The following SLC1A7 variants were observed in gnomAD, a reference collection of about 807,000 sequenced individuals.
The protein encoded by SLC1A7 is solute carrier family 1 member 7.
SLC1A7 carries 40 observed loss-of-function variants against 47.7 expected under a neutral mutation model. That is an observed-to-expected ratio of 0.84 (90% confidence interval 0.65 to 1.09). The LOEUF (loss-of-function observed/expected upper bound fraction) is 1.09. SLC1A7 is among the 50% of genes least tolerant of loss of function. SLC1A7 has a pLI of 0.00. For synonymous variants in SLC1A7, 323 were observed against 325.6 expected, an observed-to-expected ratio of 0.99 and a Z score of 0.09; for missense variants, 746 against 769.5, an observed-to-expected ratio of 0.97 and a Z score of 0.36.
chr1:53,105,026 A>C (rs985132256), intron 4 of SLC1A7, among the ~76,000 whole-genome samples: 12 of 152,224 alleles, frequency 7.9e-5, no homozygotes, highest in African/African-American at 2.9e-4. Flanking sequence ...TTTAAGAAAT[A>C]TTTCATAACC....
At chr1:53,100,465 A>T (rs28546957) in intron 5 of SLC1A7, among the ~76,000 whole-genome samples, 9,580 of 129,700 alleles carry the variant, frequency 0.074, 688 homozygotes, top group East Asian at 0.26. Context: ...ACTCATACAC[A>T]CTGCCTTGGT....
intron 10 of SLC1A7, among the ~76,000 whole-genome samples, 200 bp downstream of exon 10, chr1:53,088,677 C>T (rs1054918478): frequency 2.0e-5 from 3 of 152,200 alleles, no homozygotes; most frequent in Non-Finnish European, 4.4e-5. Context: ...GTGTCTATAT[C>T]AGCGCCAGCC....
At chr1:53,129,585 TGGAAGATGCCAGATTATGGGAAGAG>T (rs1553164888) in intron 2 of SLC1A7, among the ~76,000 whole-genome samples, 1 of 141,244 alleles carries the variant, frequency 7.1e-6, no homozygotes, top group African/African-American at 2.6e-5. Flanking sequence ...AGCCCACAGC[TGGAAGATGCCAGATTATGGGAAGAG>T]TGACTGAACT....
intron 2 of SLC1A7, among the ~76,000 whole-genome samples, chr1:53,132,739 G>GA (rs141305683): frequency 1.0e-4 from 4 of 38,972 alleles, no homozygotes; most frequent in Non-Finnish European, 3.1e-4. Context: ...CCAGCTACTT[G>GA]GGGGGCTGAG....
intron 6 of SLC1A7, 34 bp from the exon 7 acceptor site, chr1:53,092,821 A>C (rs1644440239): frequency 7.0e-7 from 1 of 1,426,114 alleles, no homozygotes. Flanking sequence ...CTCAGGAACC[A>C]GGCAGGCAGA....
intron 5 of SLC1A7, among the ~76,000 whole-genome samples, chr1:53,096,405 CGCCTCGGTACACTCACACACCCT>C (rs1213071648): frequency 2.8e-5 from 4 of 145,248 alleles, no homozygotes; most frequent in East Asian, 2.1e-4. Flanking sequence ...TCACACGCCT[CGCCTCGGTACACTCACACACCCT>C]GCCTCGGTAC....
chr1:53,136,203 T>C (rs1644992035), intron 1 of SLC1A7, among the ~76,000 whole-genome samples: 1 of 147,736 alleles, frequency 6.8e-6, no homozygotes. Context: ...TATATATATA[T>C]TTTTTAGACA....
intron 2 of SLC1A7, among the ~76,000 whole-genome samples, chr1:53,125,124 C>T (rs1644868200): frequency 6.6e-6 from 1 of 152,148 alleles, no homozygotes; most frequent in South Asian, 2.1e-4. Context: ...TGAACTGTGG[C>T]AGCACACGGA....
chr1:53,095,244 T>C (rs1644472272), intron 5 of SLC1A7, among the ~76,000 whole-genome samples: 2 of 145,498 alleles, frequency 1.4e-5, no homozygotes, highest in Non-Finnish European at 3.0e-5. Context: ...GCCAGGCGCA[T>C]GCTGATGGGG....
At chr1:53,138,482 G>T (rs559688298) in intron 1 of SLC1A7, among the ~76,000 whole-genome samples, 1 of 148,170 alleles carries the variant, frequency 6.7e-6, no homozygotes, top group African/African-American at 2.5e-5. Context: ...ATTTATTTTT[G>T]TTCTAGTTTC....
At chr1:53,135,737 G>A (rs1644985773) in intron 1 of SLC1A7, among the ~76,000 whole-genome samples, 3 of 152,220 alleles carry the variant, frequency 2.0e-5, no homozygotes, top group African/African-American at 4.8e-5. Context: ...TGGGTGTGCT[G>A]TTTATAAAAT....
intron 5 of SLC1A7, among the ~76,000 whole-genome samples, chr1:53,096,788 A>G (rs1378949497): frequency 6.6e-6 from 1 of 150,850 alleles, no homozygotes; most frequent in Non-Finnish European, 1.5e-5. Context: ...CTGCCTCAGA[A>G]CATTGACACA....
At chr1:53,104,071 CT>C (rs1255674749) in intron 4 of SLC1A7, among the ~76,000 whole-genome samples, 1 of 152,186 alleles carries the variant, frequency 6.6e-6, no homozygotes, top group African/African-American at 2.4e-5. Flanking sequence ...GTACCTTTCC[CT>C]CTCTGCCCCC....
Position 53,103,374 on chromosome 1 carries a change from C to T in SLC1A7, c.669G>A (p.Leu223=), listed in dbSNP as rs1206425484. The change falls in exon 5 of 11, where the codon CTG becomes CTA. Residue 223 remains leucine, a synonymous_variant. Transcript: ENST00000371494. Reference sequence around the variant, plus strand: ...TGGTGGCAGAGAAGAAGACGATGCCCAGCACATTCATGCCATCGCTGGTGC... The same window carrying T: ...TGGTGGCAGAGAAGAAGACGATGCCTAGCACATTCATGCCATCGCTGGTGC... ...EPGTSDGMNV[L]GIVFFSATMG... 2 of 1,608,372 alleles carry T rather than the reference C, an allele frequency of 1.2e-6. No homozygotes were observed. Among genetic ancestry groups the T allele is most frequent in the Admixed American group, 1.7e-5 (1 of 59,128 alleles).
At chr1:53,111,860 A>C (rs1445032358) in intron 3 of SLC1A7, among the ~76,000 whole-genome samples, 1 of 152,216 alleles carries the variant, frequency 6.6e-6, no homozygotes, top group Non-Finnish European at 1.5e-5. Context: ...AACACAGAAC[A>C]GACCCTGCCT....
At chr1:53,118,310 A>G (rs973184049) in intron 2 of SLC1A7, 4 of 152,246 alleles carry the variant, frequency 2.6e-5, no homozygotes, top group Admixed American at 1.3e-4. Flanking sequence ...AGCAAACTCT[A>G]TAGGAAATGT....
rs768822532 is a variant in SLC1A7 at position 53,090,624 on chromosome 1, A to T, written c.1214T>A (p.Ile405Asn). The T allele has an allele frequency of 6.3e-7, 1 of 1,591,986 alleles. No individual in the cohort carries two copies. Among genetic ancestry groups the T allele is most frequent in the Non-Finnish European group, 8.6e-7 (1 of 1,165,704 alleles). ...TGTCAGGGTGCACCTGATGGTGATG[A>T]TCTGGCCAAAGTCCAGCTCGTAGTT... ...VNNYELDFGQ[I>N]ITISITATAA... Residue 405 changes from isoleucine (I) to asparagine (N), a missense_variant, in exon 8 of 11, where the codon ATC becomes AAC. Transcript: ENST00000371494.
At chr1:53,100,352 C>T (rs1557672595) in intron 5 of SLC1A7, among the ~76,000 whole-genome samples, 1 of 136,796 alleles carries the variant, frequency 7.3e-6, no homozygotes, top group East Asian at 2.1e-4. Context: ...TCACACAACC[C>T]AACTCAGTAC....
intron 2 of SLC1A7, among the ~76,000 whole-genome samples, chr1:53,131,563 G>A (rs142335716): frequency 1.3e-5 from 2 of 152,328 alleles, no homozygotes; most frequent in African/African-American, 4.8e-5. Context: ...TTTCCTGTCA[G>A]TCTCCCCAGC....
Sources: allele counts gnomAD v4.1 joint callset (sites outside exome capture counted in the v4.1 genomes callset), GRCh38; gene constraint gnomAD v4.1.1; transcripts MANE v1.5; gene names NCBI Gene and HGNC (gene_info 2026-07-23, HGNC 2026-07-21).